Variants in NBAS observed in about 807,000 individuals in gnomAD.
The protein encoded by NBAS is NAG/BC035112 fusion.
In NBAS, 219 loss-of-function variants were observed where a neutral mutation model predicts 302.5. The observed-to-expected ratio is 0.72, with a 90% CI of 0.65 to 0.81. NBAS has a LOEUF of 0.81. Among genes scored for constraint, NBAS ranks in the 30% least tolerant of loss-of-function variants. NBAS has a pLI of 0.00. For missense variants in NBAS, 2,932 were observed against 2,841.6 expected (o/e 1.03, Z -0.72); for synonymous variants, 1,118 against 1,021.6 (o/e 1.09, Z -1.80).
chr2:14,878,165 C>T, the NBAS span, among the ~76,000 whole-genome samples: 4 of 152,194 alleles, frequency 2.6e-5, no homozygotes, highest in African/African-American at 9.7e-5. Context: ...TTATTGCCTA[C>T]TTCCTCAGAA....
chr2:15,107,646 A>T, the NBAS span, among the ~76,000 whole-genome samples: 758 of 152,286 alleles, frequency 5.0e-3, 4 homozygotes, highest in African/African-American at 0.017. Context: ...ACTATGTGCC[A>T]GGCACTAAGA....
At chr2:14,989,158 G>C in the NBAS span, among the ~76,000 whole-genome samples, 1 of 152,082 alleles carries the variant, frequency 6.6e-6, no homozygotes, top group East Asian at 1.9e-4. Flanking sequence ...GGTGTAACAT[G>C]ACTCTAAGTA....
chr2:15,414,929 A>T (rs1676851190), intron 25 of NBAS, among the ~76,000 whole-genome samples: 1 of 152,184 alleles, frequency 6.6e-6, no homozygotes, highest in Non-Finnish European at 1.5e-5. Flanking sequence ...TGGCCGAAAG[A>T]GCGAGACTCT....
intron 38 of NBAS, among the ~76,000 whole-genome samples, chr2:15,322,072 G>C (rs988491274): frequency 6.6e-6 from 1 of 152,152 alleles, no homozygotes; most frequent in Non-Finnish European, 1.5e-5. Flanking sequence ...AAAATGATGA[G>C]TTCATGTCCT....
the NBAS span, among the ~76,000 whole-genome samples, chr2:14,780,977 C>A: frequency 6.6e-6 from 1 of 152,146 alleles, no homozygotes; most frequent in African/African-American, 2.4e-5. Context: ...AGTAAGGGAA[C>A]TAGAGAGACA....
the NBAS span, among the ~76,000 whole-genome samples, chr2:14,813,964 G>A: frequency 6.6e-6 from 1 of 152,216 alleles, no homozygotes; most frequent in Non-Finnish European, 1.5e-5. Flanking sequence ...CATCCCAACT[G>A]CTCCAGCTCT....
intron 41 of NBAS, among the ~76,000 whole-genome samples, chr2:15,291,925 A>G (rs1301769612): frequency 6.6e-6 from 1 of 152,188 alleles, no homozygotes; most frequent in Non-Finnish European, 1.5e-5. Flanking sequence ...AAACTACAGG[A>G]AACTTTAAAA....
the NBAS span, among the ~76,000 whole-genome samples, chr2:15,000,480 T>C: frequency 6.6e-5 from 10 of 152,270 alleles, no homozygotes; most frequent in South Asian, 1.9e-3. Context: ...ACAGAAAATA[T>C]ACATGAAAGC....
At chr2:14,810,388 A>G in the NBAS span, among the ~76,000 whole-genome samples, 4 of 152,148 alleles carry the variant, frequency 2.6e-5, no homozygotes, top group Non-Finnish European at 4.4e-5. Context: ...AATAAGTCTC[A>G]CAAGATCTGA....
intron 42 of NBAS, 25 bp from the exon 43 acceptor site, chr2:15,277,126 G>A (rs1376772874): frequency 1.2e-6 from 2 of 1,608,578 alleles, no homozygotes; most frequent in Non-Finnish European, 1.7e-6. Flanking sequence ...CAAAGGAACT[G>A]TGTTAAGATT....
At position 15,260,136 on chromosome 2, in the gene NBAS, C is replaced by T. The variant is rs147762113; in HGVS notation, c.5724+15348G>A. Among the ~76,000 whole-genome samples the T allele has an allele frequency of 2.5e-3, 379 of 152,278 alleles. 2 individuals are homozygous for T. The highest frequency in any genetic ancestry group is 8.8e-3 in the African/African-American group (364 of 41,546). On this transcript the variant is annotated intron_variant, in intron 44 of 51. Coordinates refer to ENST00000281513, the MANE Select transcript of NBAS (RefSeq NM_015909.4). ...TTTAAATGTGAATATTTAAAATGTGCTGGAAACTATGCCTTCCTTTGTAAT... is the reference window on the plus strand; with the variant it reads ...TTTAAATGTGAATATTTAAAATGTGTTGGAAACTATGCCTTCCTTTGTAAT...
intron 9 of NBAS, among the ~76,000 whole-genome samples, chr2:15,516,215 C>T (rs759420267): frequency 6.6e-6 from 1 of 152,064 alleles, no homozygotes; most frequent in Non-Finnish European, 1.5e-5. Flanking sequence ...TCACATAAAT[C>T]CTGTAAGAAT....
At chr2:14,811,301 C>T in the NBAS span, among the ~76,000 whole-genome samples, 86,519 of 151,828 alleles carry the variant, frequency 0.57, 27,051 homozygotes, top group African/African-American at 0.85. Context: ...TCCAAGCTAC[C>T]GGGGAGGTTG....
intron 35 of NBAS, among the ~76,000 whole-genome samples, chr2:15,345,937 A>G (rs114574650): frequency 0.027 from 4,175 of 152,260 alleles, 155 homozygotes; most frequent in African/African-American, 0.084. Context: ...TGGTGGCGGG[A>G]GAACTGGCTA....
chr2:14,805,707 A>T, the NBAS span, among the ~76,000 whole-genome samples: 1 of 152,144 alleles, frequency 6.6e-6, no homozygotes, highest in African/African-American at 2.4e-5. Context: ...AGCCACATCA[A>T]ACCACCCACT....
At chr2:15,350,149 C>T (rs955377709) in intron 35 of NBAS, among the ~76,000 whole-genome samples, 3 of 152,032 alleles carry the variant, frequency 2.0e-5, no homozygotes, top group Admixed American at 1.3e-4. Flanking sequence ...ATATATTCTA[C>T]TCTGGGCAAA....
At chr2:14,993,318 T>C in the NBAS span, among the ~76,000 whole-genome samples, 1 of 152,206 alleles carries the variant, frequency 6.6e-6, no homozygotes, top group Non-Finnish European at 1.5e-5. Context: ...TTATTTTTTT[T>C]CATTTCTACC....
chr2:15,244,059 A>T (rs1667979728), intron 44 of NBAS, among the ~76,000 whole-genome samples: 1 of 152,210 alleles, frequency 6.6e-6, no homozygotes, highest in African/African-American at 2.4e-5. Context: ...GCTTTAAGCT[A>T]GCCCCCTTTA....
In NBAS at chr2:15,328,230, T is replaced by G; in HGVS notation, c.4430A>C (p.Glu1477Ala). The change falls in exon 37 of 52, where the codon GAA becomes GCA. Residue 1477 changes from glutamate (E) to alanine (A), a missense_variant. Physicochemically the swap from Glu to Ala is moderately radical, Grantham distance 107 (BLOSUM62 -1). Transcript: ENST00000281513. ...LEKQGCHPFY[E>A]SVISNPFVAE... ...GACAAAAGGATTTGAGATGACAGAT[T>G]CATAAAAAGGATGACACCCTTGTTT... 1 of 1,613,888 alleles carries G rather than the reference T, an allele frequency of 6.2e-7. No homozygotes were observed. The highest frequency in any genetic ancestry group is 8.5e-7 in the Non-Finnish European group (1 of 1,179,870).
Sources: allele counts gnomAD v4.1 joint callset (sites outside exome capture counted in the v4.1 genomes callset), GRCh38; gene constraint gnomAD v4.1.1; transcripts MANE v1.5; gene names NCBI Gene and HGNC (gene_info 2026-07-23, HGNC 2026-07-21).